Variants in FHIT observed in about 807,000 individuals in gnomAD.
FHIT encodes the protein bis(5'-adenosyl)-triphosphatase.
A neutral mutation model predicts 17.9 loss-of-function variants in FHIT; 19 were observed. The observed-to-expected ratio is 1.06, with a 90% CI of 0.74 to 1.56. The LOEUF is 1.56. FHIT is among the 40% of genes most tolerant of loss of function. The pLI, the probability that FHIT is intolerant of heterozygous loss-of-function variation, is 0.00. For synonymous variants in FHIT, 81 were observed against 69.7 expected (o/e 1.16, Z -0.81); for missense variants, 248 against 189.2 (o/e 1.31, Z -1.82).
At chr3:60,376,465 T>C (rs6802679) in intron 5 of FHIT, among the ~76,000 whole-genome samples, 4,193 of 152,250 alleles carry the variant, frequency 0.028, 100 homozygotes, top group African/African-American at 0.062. Context: ...TTGCCACAGA[T>C]TTTTCATAAA....
At chr3:60,786,094 T>A (rs1211436052) in intron 4 of FHIT, among the ~76,000 whole-genome samples, 2 of 152,294 alleles carry the variant, frequency 1.3e-5, no homozygotes, top group South Asian at 2.1e-4. Context: ...AAAAGCAATA[T>A]TTTTTTAAAA....
chr3:60,333,418 G>C (rs1470714733), intron 5 of FHIT, among the ~76,000 whole-genome samples: 1 of 151,312 alleles, frequency 6.6e-6, no homozygotes, highest in African/African-American at 2.4e-5. Flanking sequence ...CTCCACATGT[G>C]AAAAACAGTA....
chr3:60,745,203 A>G (rs1405996943), intron 4 of FHIT, among the ~76,000 whole-genome samples: 4 of 152,234 alleles, frequency 2.6e-5, no homozygotes, highest in African/African-American at 9.6e-5. Context: ...AGGAGGCTCT[A>G]TTACAAAGAG....
chr3:60,328,628 G>T (rs73103073), intron 5 of FHIT, among the ~76,000 whole-genome samples: 19,862 of 151,932 alleles, frequency 0.13, 1,413 homozygotes, highest in Non-Finnish European at 0.16. Context: ...GATTTGGGGG[G>T]GACACAGCCA....
At chr3:60,632,503 A>G (rs917665861) in intron 4 of FHIT, among the ~76,000 whole-genome samples, 2 of 152,202 alleles carry the variant, frequency 1.3e-5, no homozygotes, top group Non-Finnish European at 2.9e-5. Context: ...ATGCTGGCAG[A>G]TGACAGTTTC....
At chr3:61,055,002 C>G (rs914006198) in intron 2 of FHIT, among the ~76,000 whole-genome samples, 1 of 152,206 alleles carries the variant, frequency 6.6e-6, no homozygotes, top group Non-Finnish European at 1.5e-5. Context: ...ACCTTCCCTG[C>G]TTTGGAACAG....
At chr3:60,927,268 C>T (rs1207036503) in intron 3 of FHIT, among the ~76,000 whole-genome samples, 2 of 152,228 alleles carry the variant, frequency 1.3e-5, no homozygotes, top group African/African-American at 2.4e-5. Flanking sequence ...CCCGAGGTGC[C>T]GGGATTGCAG....
intron 1 of FHIT, among the ~76,000 whole-genome samples, chr3:61,236,881 G>C (rs9829886): frequency 0.13 from 19,065 of 152,104 alleles, 1,323 homozygotes; most frequent in African/African-American, 0.16. Context: ...TTGAGAAGAG[G>C]CTCTTCAGGA....
rs1168094593 is a variant in FHIT at position 60,124,009 on chromosome 3, T to TAGAGAGAGAG, written c.104-109867_104-109858dup. 1.3e-3 allele frequency among the ~76,000 whole-genome samples: 16 copies of TAGAGAGAGAG among 12,150 alleles called. 1 individual carries two copies. Among genetic ancestry groups the TAGAGAGAGAG allele is most frequent in the East Asian group, 4.5e-3 (2 of 448 alleles). The allele number at this position is 12,150 out of a possible 152,430, so 8.0% of individuals were successfully genotyped here. A position where few individuals can be genotyped will look rare whatever the true frequency, so the allele number is the denominator to read the frequency against. ...ATATATATATATATATATATATATA[T>TAGAGAGAGAG]AGAGAGAGAGAGAGAGAGAGAGAGA... On this transcript the variant is annotated intron_variant, in intron 5 of 9. Coordinates refer to ENST00000492590, the MANE Select transcript of FHIT (RefSeq NM_002012.4).
chr3:60,299,832 G>T (rs937716620), intron 5 of FHIT, among the ~76,000 whole-genome samples: 1 of 152,074 alleles, frequency 6.6e-6, no homozygotes, highest in African/African-American at 2.4e-5. Flanking sequence ...TGCTGTTGGA[G>T]GTAGGAGTAG....
At chr3:60,486,259 T>C (rs2033835647) in intron 5 of FHIT, among the ~76,000 whole-genome samples, 1 of 152,072 alleles carries the variant, frequency 6.6e-6, no homozygotes, top group South Asian at 2.1e-4. Flanking sequence ...AATAAAAAAT[T>C]TTATTTTGTT....
intron 5 of FHIT, among the ~76,000 whole-genome samples, chr3:60,363,986 G>A (rs1327339635): frequency 1.3e-5 from 2 of 152,122 alleles, no homozygotes; most frequent in Non-Finnish European, 2.9e-5. Context: ...AGGTCAAGGG[G>A]TGGTCACAGC....
intron 2 of FHIT, among the ~76,000 whole-genome samples, chr3:61,135,531 T>C (rs62268789): frequency 0.12 from 18,129 of 152,160 alleles, 1,127 homozygotes; most frequent in African/African-American, 0.14. Flanking sequence ...GGTAACAACC[T>C]ATTTCATTTT....
At chr3:60,637,095 C>T (rs1414488065) in intron 4 of FHIT, among the ~76,000 whole-genome samples, 5 of 152,150 alleles carry the variant, frequency 3.3e-5, no homozygotes, top group Non-Finnish European at 7.4e-5. Flanking sequence ...CTCTGAGTCA[C>T]TGCAAAAGAA....
At chr3:61,240,101 T>C (rs1204005060) in intron 1 of FHIT, among the ~76,000 whole-genome samples, 1 of 151,952 alleles carries the variant, frequency 6.6e-6, no homozygotes, top group Admixed American at 6.6e-5. Context: ...GAGGAAGCCT[T>C]AGTTTAGAGG....
intron 4 of FHIT, among the ~76,000 whole-genome samples, chr3:60,679,573 T>A (rs545166883): frequency 6.6e-6 from 1 of 152,254 alleles, no homozygotes; most frequent in Non-Finnish European, 1.5e-5. Context: ...AACACTACCT[T>A]ATGTTCCATA....
chr3:60,018,155 A>G (rs908553252), intron 5 of FHIT, among the ~76,000 whole-genome samples: 3 of 152,140 alleles, frequency 2.0e-5, no homozygotes, highest in Non-Finnish European at 4.4e-5. Context: ...AGTGGAAGGG[A>G]AAACAGTTTG....
At chr3:61,106,125 C>T (rs141911746) in intron 2 of FHIT, among the ~76,000 whole-genome samples, 6 of 152,298 alleles carry the variant, frequency 3.9e-5, no homozygotes, top group African/African-American at 1.2e-4. Context: ...GGACCTACTT[C>T]ACAAGGGAGA....
chr3:61,200,357 A>G (rs979247856), intron 2 of FHIT, among the ~76,000 whole-genome samples: 2 of 152,180 alleles, frequency 1.3e-5, no homozygotes, highest in Non-Finnish European at 2.9e-5. Flanking sequence ...GCTCCATTGG[A>G]ATGTCTTAGC....
Sources: gnomAD v4.1 joint callset for allele counts (sites outside exome capture counted in the v4.1 genomes callset) on GRCh38, gnomAD v4.1.1 for gene constraint, MANE v1.5 for transcripts, NCBI Gene and HGNC (gene_info 2026-07-23, HGNC 2026-07-21) for gene names.